The following RTN2 variants were observed in gnomAD, a reference collection of about 807,000 sequenced individuals.
RTN2 encodes reticulon 2.
Under a neutral mutation model 63.7 loss-of-function variants are expected in RTN2, and 36 were observed. That is an observed-to-expected ratio of 0.56 (90% CI 0.43 to 0.75). The LOEUF is 0.75. Among genes scored for constraint, RTN2 ranks in the 30% least tolerant of loss-of-function variants. The pLI, the probability that RTN2 is intolerant of heterozygous loss-of-function variation, is 0.00. For synonymous variants in RTN2, 312 were observed against 313.0 expected (o/e 1.00, Z 0.03); for missense variants, 673 against 705.1 (o/e 0.95, Z 0.52).
At chr19:45,496,660 A>C in intron 1 of RTN2, 132 bp downstream of exon 1, 26 of 515,364 alleles carry the variant, frequency 5.0e-5, no homozygotes, top group Non-Finnish European at 6.3e-5. Flanking sequence ...GGGGGAGGGG[A>C]GAGCTTCCTT....
chr19:45,489,114 G>A, intron 6 of RTN2, 128 bp from the exon 7 acceptor site: 1 of 1,120,966 alleles, frequency 8.9e-7, no homozygotes, highest in South Asian at 1.5e-5. Flanking sequence ...GGGCAGCTCA[G>A]AGGAATCATA....
chr19:45,493,924 A>G, intron 4 of RTN2: 2 of 514,722 alleles, frequency 3.9e-6, no homozygotes, highest in Non-Finnish European at 6.9e-6. Context: ...TCCTCACCTC[A>G]AGTGATCCGC....
At chr19:45,486,339 C>T (rs903239132) in intron 9 of RTN2, among the ~76,000 whole-genome samples, 1 of 152,020 alleles carries the variant, frequency 6.6e-6, no homozygotes, top group Non-Finnish European at 1.5e-5. Context: ...TCAGGTGGAA[C>T]GCACAAGTAT....
At chr19:45,489,589 G>T in intron 5 of RTN2, 36 bp from the exon 6 acceptor site, 1 of 1,504,456 alleles carries the variant, frequency 6.6e-7, no homozygotes, top group South Asian at 1.2e-5. Flanking sequence ...GCTTGTACCT[G>T]ACCTGGCTGG....
At chr19:45,496,079 T>C (rs1362352319) in intron 1 of RTN2, among the ~76,000 whole-genome samples, 1 of 95,248 alleles carries the variant, frequency 1.0e-5, no homozygotes, top group Non-Finnish European at 2.3e-5. Context: ...AGCTCAGAGA[T>C]TGTGAGGCTA....
chr19:45,486,769 C>T (rs1473971498), intron 9 of RTN2, among the ~76,000 whole-genome samples: 1 of 112,206 alleles, frequency 8.9e-6, no homozygotes, highest in Admixed American at 1.2e-4. Context: ...GAGTCTTGTT[C>T]TGTGGCCCAG....
intron 9 of RTN2, among the ~76,000 whole-genome samples, chr19:45,487,567 T>C (rs1968050793): frequency 6.7e-6 from 1 of 148,832 alleles, no homozygotes; most frequent in South Asian, 2.1e-4. Context: ...TTTATGTTTT[T>C]ATTTTTTATT....
At chr19:45,486,731 TC>T (rs201861618) in intron 9 of RTN2, among the ~76,000 whole-genome samples, 3 of 136,224 alleles carry the variant, frequency 2.2e-5, no homozygotes, top group East Asian at 2.5e-4. Flanking sequence ...TCTTTTTCTT[TC>T]TTTCTTTTTT....
At chr19:45,496,562 C>A in intron 1 of RTN2, 1 of 370,798 alleles carries the variant, frequency 2.7e-6, no homozygotes, top group Non-Finnish European at 4.8e-6. Flanking sequence ...GCAGCGCGCC[C>A]CCCGCCTGCT....
In RTN2 at chr19:45,494,394, G is replaced by A; in HGVS notation, c.586C>T (p.Gln196Ter). 1 of 1,613,594 alleles carries A rather than the reference G, an allele frequency of 6.2e-7. No individual in the cohort carries two copies. The highest frequency in any genetic ancestry group is 8.5e-7 in the Non-Finnish European group (1 of 1,179,570). Residue 196 changes from glutamine to a stop codon, truncating the protein, a stop_gained, in exon 4 of 11, where the codon CAG (glutamine) becomes TAG (stop). Transcript: ENST00000245923. LOFTEE classifies it high-confidence loss of function. The surrounding 1 kb of genome is among the most constrained non-coding windows in gnomAD (Gnocchi z 5.3). ...EELDLRLRLAQPSSPEVLTPQ... is the reference protein window; with the variant it reads ...EELDLRLRLA ...GTCAAGACCTCGGGCGATGAGGGCT[G>A]AGCAAGTCGGAGTCGTAGGTCCAGT...
At chr19:45,488,391 A>G (rs1568621880) in intron 9 of RTN2, 80 bp downstream of exon 9, 3 of 1,497,260 alleles carry the variant, frequency 2.0e-6, no homozygotes, top group African/African-American at 1.4e-5. Flanking sequence ...ACATCTGTCA[A>G]TGGGACCCCG....
chr19:45,489,224 A>T (rs1380896018), intron 6 of RTN2, 122 bp downstream of exon 6: 1 of 985,116 alleles, frequency 1.0e-6, no homozygotes, highest in Non-Finnish European at 1.5e-6. Context: ...AGGTTAGGGG[A>T]TCGGGATGAA....
At position 45,497,028 on chromosome 19, in the gene RTN2, C is replaced by G. The variant is rs1462163249; in HGVS notation, c.-203G>C. The G allele has an allele frequency of 4.3e-5, 10 of 231,418 alleles. No homozygotes were observed. The highest frequency in any genetic ancestry group is 1.0e-4 in the East Asian group (1 of 9,836). The allele number at this position is 231,418 out of a possible 1,614,324, so 14.3% of individuals were successfully genotyped here. On this transcript the variant is annotated 5_prime_UTR_variant, in exon 1 of 11. Coordinates refer to ENST00000245923, the MANE Select transcript of RTN2 (RefSeq NM_005619.5). ...TCGGCTCGGCGGGGGCGGGCGGGGC[C>G]GAGGTGGGGAAGGCACTGCAGCGCG...
chr19:45,491,651 C>T (rs989738675), intron 5 of RTN2, among the ~76,000 whole-genome samples: 2 of 151,924 alleles, frequency 1.3e-5, no homozygotes, highest in African/African-American at 2.4e-5. Flanking sequence ...CCTGCCTCAG[C>T]CTCCCGAGTA....
rs1365334547 is a variant in RTN2, at chr19:45,496,864, C to T, written c.-39G>A. ...CCTGCATCGGGACCCCCGCCCACTC[C>T]GGCTGTGCCGCCCTGGGCCCGGGGT... On this transcript the variant is annotated 5_prime_UTR_variant, in exon 1 of 11. Coordinates refer to ENST00000245923, the MANE Select transcript of RTN2 (RefSeq NM_005619.5). The T allele has an allele frequency of 7.2e-7, 1 of 1,389,724 alleles. No homozygotes were observed. The highest frequency in any genetic ancestry group is 9.6e-7 in the Non-Finnish European group (1 of 1,045,216). The allele number at this position is 1,389,724 out of a possible 1,614,324, so 86.1% of individuals were successfully genotyped here.
rs1188293688 is a variant in RTN2 at position 45,494,470 on chromosome 19, C to T, written c.560-50G>A. The T allele has an allele frequency of 8.1e-6, 13 of 1,603,662 alleles. No homozygotes were observed. Among genetic ancestry groups the T allele is most frequent in the Non-Finnish European group, 1.1e-5 (13 of 1,173,408 alleles). ...GTGAGCTTTCTTCTTGGAGGTGCCC[C>T]AAGGAGAAACCACCCACCCCTCTTG... On this transcript the variant is annotated intron_variant, in intron 3 of 10. Coordinates refer to ENST00000245923, the MANE Select transcript of RTN2 (RefSeq NM_005619.5). This position sits in a 1 kb window ranked among gnomAD's most constrained non-coding sequence, Gnocchi z 5.3.
chr19:45,493,826 C>T (rs764816250), intron 4 of RTN2: 15 of 310,254 alleles, frequency 4.8e-5, no homozygotes, highest in Non-Finnish European at 9.1e-5. Context: ...TCACTGCAAC[C>T]TCTGCCTTCC....
At chr19:45,490,384 C>T (rs936636827) in intron 5 of RTN2, among the ~76,000 whole-genome samples, 2 of 152,066 alleles carry the variant, frequency 1.3e-5, no homozygotes, top group Non-Finnish European at 2.9e-5. Context: ...TAACCATGTA[C>T]CTATTGCTGG....
At chr19:45,489,268 G>A in intron 6 of RTN2, 78 bp downstream of exon 6, 2 of 1,351,590 alleles carry the variant, frequency 1.5e-6, no homozygotes, top group Non-Finnish European at 2.0e-6. Flanking sequence ...CCGGGTGGGA[G>A]TCGGTGCCTG....
Sources: gnomAD v4.1 joint callset for allele counts (sites outside exome capture counted in the v4.1 genomes callset) on GRCh38, gnomAD v4.1.1 for gene constraint, Gnocchi (gnomAD v3.1) non-coding constraint, MANE v1.5 for transcripts, NCBI Gene and HGNC (gene_info 2026-07-23, HGNC 2026-07-21) for gene names.